NAV2: variants seen among roughly 807,000 people sequenced by gnomAD.
NAV2 encodes neuron navigator 2.
NAV2 carries 54 observed loss-of-function variants against 223.2 expected under a neutral mutation model. The observed-to-expected ratio is 0.24, with a 90% CI of 0.19 to 0.30. The LOEUF is 0.30. Ranked by LOEUF, NAV2 falls within the 10% of genes least tolerant of loss-of-function variation. NAV2 has a pLI of 1.00. For synonymous variants in NAV2, 1,279 were observed against 1,239.3 expected (o/e 1.03, Z -0.67); for missense variants, 2,806 against 3,147.5 (o/e 0.89, Z 2.60).
chr11:19,834,330 A>C (rs2060116330), intron 2 of NAV2, among the ~76,000 whole-genome samples: 1 of 152,220 alleles, frequency 6.6e-6, no homozygotes, highest in Non-Finnish European at 1.5e-5. Flanking sequence ...TCACCTGACT[A>C]GTCTCCATGG....
intron 1 of NAV2, among the ~76,000 whole-genome samples, chr11:19,392,560 G>C (rs1303275963): frequency 6.6e-6 from 1 of 152,114 alleles, no homozygotes; most frequent in Non-Finnish European, 1.5e-5. Context: ...GGATCCAGGA[G>C]GGAGCATCCT....
intron 1 of NAV2, among the ~76,000 whole-genome samples, chr11:19,561,482 A>G (rs2045096041): frequency 6.6e-6 from 1 of 152,110 alleles, no homozygotes; most frequent in East Asian, 1.9e-4. Flanking sequence ...CTTGAACTTG[A>G]CCTTGCTTTC....
intron 1 of NAV2, among the ~76,000 whole-genome samples, chr11:19,484,957 A>G (rs141574498): frequency 2.0e-5 from 3 of 152,294 alleles, no homozygotes; most frequent in Non-Finnish European, 2.9e-5. Flanking sequence ...ACAATCCTCT[A>G]TCCATGGGAC....
intron 2 of NAV2, among the ~76,000 whole-genome samples, chr11:19,838,465 G>A (rs1305654404): frequency 6.6e-6 from 1 of 152,100 alleles, no homozygotes. Flanking sequence ...GGAGAGGAGA[G>A]CCAGAGGGCC....
chr11:19,957,126 C>T (rs923985652), intron 10 of NAV2, among the ~76,000 whole-genome samples: 6 of 152,158 alleles, frequency 3.9e-5, no homozygotes, highest in African/African-American at 1.2e-4. Flanking sequence ...CCTCTTAAAA[C>T]AGACAGACTT....
rs115074482 is a variant in NAV2 at position 20,023,896 on chromosome 11, T to A, written c.2769-12063T>A. Among the ~76,000 whole-genome samples the A allele has an allele frequency of 8.5e-3, 1,298 of 152,272 alleles. 20 individuals are homozygous for A. The highest frequency in any genetic ancestry group is 0.03 in the African/African-American group (1,243 of 41,538). On this transcript the variant is annotated intron_variant, in intron 11 of 37. Coordinates refer to ENST00000349880, the MANE Select transcript of NAV2 (RefSeq NM_145117.5). ...ATGACCACCTACCACATGCCAAGCA[T>A]CTAGCAGACATTGTGTCATTCAATT...
rs565470621 is a variant in NAV2, at chr11:19,824,944, A to G, written c.268-7540A>G. Among the ~76,000 whole-genome samples, 5 of 152,254 alleles carry G rather than the reference A, an allele frequency of 3.3e-5. No homozygotes were observed. In the East Asian group the frequency reaches 9.7e-4, roughly 29 times the overall value. ...CTATTGTTGCAAAATCATTTTTTAT[A>G]CTCCAGAGCATTCAGAACTAAACCA... On this transcript the variant is annotated intron_variant, in intron 1 of 37. Transcript: ENST00000349880.
chr11:19,490,813 C>T lies in NAV2; in HGVS notation c.75+139786C>T, dbSNP rs1030179083. On this transcript the variant is annotated intron_variant, in intron 1 of 37. Transcript: ENST00000360655. ...GTTTTCAATTTACTTTGCTCAGCTC[C>T]ATATGAGAAATCATAATCCATGGCA... Among the ~76,000 whole-genome samples the T allele has an allele frequency of 8.5e-5, 13 of 152,206 alleles. 1 individual carries two copies. The highest frequency in any genetic ancestry group is 7.9e-4 in the Admixed American group (12 of 15,272).
chr11:19,892,713 T>C lies in NAV2; in HGVS notation c.931+119T>C, dbSNP rs1339491343. ...GGTTGCATCTGTGTTGAGAATGAGTTACAAGGACATATTTGGTAGGCAGGA... is the reference window on the plus strand; with the variant it reads ...GGTTGCATCTGTGTTGAGAATGAGTCACAAGGACATATTTGGTAGGCAGGA... On this transcript the variant is annotated intron_variant, in intron 6 of 37. Transcript: ENST00000349880. 8.4e-6 allele frequency: 9 copies of C among 1,070,936 alleles called. No homozygotes were observed. The South Asian group carries it at 1.6e-4, about 19-fold the overall frequency. The allele number at this position is 1,070,936 out of a possible 1,614,324, so 66.3% of individuals were successfully genotyped here.
chr11:19,552,163 G>A (rs1172635871), intron 1 of NAV2, among the ~76,000 whole-genome samples: 4 of 152,190 alleles, frequency 2.6e-5, no homozygotes, highest in East Asian at 1.9e-4. Flanking sequence ...CTCTTGGGGT[G>A]TAGGTGGCAG....
intron 1 of NAV2, among the ~76,000 whole-genome samples, chr11:19,502,246 C>A (rs1298870223): frequency 1.3e-5 from 2 of 152,156 alleles, no homozygotes; most frequent in Non-Finnish European, 2.9e-5. Context: ...AACTATATGA[C>A]CTTTGGCAAA....
chr11:19,852,713 T>C (rs1199721904), intron 3 of NAV2, among the ~76,000 whole-genome samples: 2 of 152,236 alleles, frequency 1.3e-5, no homozygotes, highest in Admixed American at 6.5e-5. Context: ...TGTGAATAGT[T>C]TTTTTAAAAA....
chr11:19,869,585 C>A (rs2062336737), intron 4 of NAV2, among the ~76,000 whole-genome samples: 1 of 152,146 alleles, frequency 6.6e-6, no homozygotes, highest in South Asian at 2.1e-4. Flanking sequence ...GGTTCGAATT[C>A]TCAGCCACCT....
intron 6 of NAV2, among the ~76,000 whole-genome samples, chr11:19,907,057 T>C (rs957551878): frequency 6.6e-6 from 1 of 152,274 alleles, no homozygotes; most frequent in East Asian, 1.9e-4. Context: ...AGCTCTAAAA[T>C]GGAAATGAGG....
chr11:19,495,340 G>A (rs1216946077), intron 1 of NAV2, among the ~76,000 whole-genome samples: 1 of 152,202 alleles, frequency 6.6e-6, no homozygotes, highest in Non-Finnish European at 1.5e-5. Context: ...GACTCTAAAG[G>A]GAGTGACAGG....
intron 11 of NAV2, among the ~76,000 whole-genome samples, chr11:20,026,043 G>A (rs945998249): frequency 6.6e-6 from 1 of 152,214 alleles, no homozygotes; most frequent in African/African-American, 2.4e-5. Context: ...AAGGTGCCCT[G>A]ATAAGGAGAT....
chr11:19,355,712 C>G (rs889737825), intron 1 of NAV2, among the ~76,000 whole-genome samples: 1 of 152,156 alleles, frequency 6.6e-6, no homozygotes, highest in African/African-American at 2.4e-5. Flanking sequence ...GTTTCCATTT[C>G]TCTTTCTTCA....
intron 1 of NAV2, among the ~76,000 whole-genome samples, chr11:19,812,491 G>A (rs2058884135): frequency 6.6e-6 from 1 of 151,984 alleles, no homozygotes; most frequent in African/African-American, 2.4e-5. Context: ...CCTCATGAGA[G>A]CACTTCCTTA....
chr11:19,528,926 C>T (rs2043935760), intron 1 of NAV2, among the ~76,000 whole-genome samples: 2 of 53,138 alleles, frequency 3.8e-5, no homozygotes, highest in South Asian at 1.2e-3. Context: ...GAGACTCCAT[C>T]TCAAAAAAAA....
Sources: gnomAD v4.1 joint callset for allele counts (sites outside exome capture counted in the v4.1 genomes callset) on GRCh38, gnomAD v4.1.1 for gene constraint, MANE v1.5 for transcripts, NCBI Gene and HGNC (gene_info 2026-07-23, HGNC 2026-07-21) for gene names.